Variants in NAV2 observed in about 807,000 individuals in gnomAD.
NAV2 encodes helicase, APC down-regulated 1.
NAV2 carries 54 observed loss-of-function variants against 223.2 expected under a neutral mutation model. That is an observed-to-expected ratio of 0.24 (90% CI 0.19 to 0.30). The LOEUF (loss-of-function observed/expected upper bound fraction) is 0.30. Ranked by LOEUF, NAV2 falls within the 10% of genes least tolerant of loss-of-function variation. The pLI, the probability that NAV2 is intolerant of heterozygous loss-of-function variation, is 1.00. For missense variants in NAV2, 2,806 were observed against 3,147.5 expected (o/e 0.89, Z 2.60); for synonymous variants, 1,279 against 1,239.3 (o/e 1.03, Z -0.67).
At chr11:19,432,235 A>G (rs748065560) in intron 1 of NAV2, among the ~76,000 whole-genome samples, 1 of 150,978 alleles carries the variant, frequency 6.6e-6, no homozygotes, top group Non-Finnish European at 1.5e-5. Flanking sequence ...GCTTGAATTC[A>G]CATTCTGTGA....
chr11:19,887,818 G>A (rs772548463), intron 5 of NAV2, among the ~76,000 whole-genome samples: 5 of 152,006 alleles, frequency 3.3e-5, no homozygotes, highest in African/African-American at 4.8e-5. Flanking sequence ...TAATCATCTC[G>A]CCTGGCAAAA....
upstream of NAV2, among the ~76,000 whole-genome samples, chr11:19,346,391 G>A (rs1853007958): frequency 1.3e-5 from 2 of 152,212 alleles, no homozygotes; most frequent in Non-Finnish European, 2.9e-5. Flanking sequence ...CCAGGCCTGC[G>A]GTTCCCCTGG....
rs146235017 is a variant in NAV2 at position 19,917,343 on chromosome 11, T to C, written c.932-15833T>C. Among the ~76,000 whole-genome samples the C allele has an allele frequency of 3.9e-5, 6 of 152,290 alleles. No homozygotes were observed. The East Asian group carries it at 1.2e-3, about 29-fold the overall frequency. ...TAGTAACTTTTGTGACAGTATATTG[T>C]TGAGGGAGGGGGTGTCACAGGGAGG... On this transcript the variant is annotated intron_variant, in intron 6 of 37. Coordinates refer to ENST00000349880, the MANE Select transcript of NAV2 (RefSeq NM_145117.5).
intron 11 of NAV2, among the ~76,000 whole-genome samples, chr11:19,994,441 G>A (rs916590401): frequency 3.3e-5 from 5 of 152,050 alleles, no homozygotes; most frequent in African/African-American, 1.2e-4. Context: ...CAGCTGCGCA[G>A]CAGGCTGAGA....
At chr11:19,620,694 T>A (rs923178449) in intron 1 of NAV2, among the ~76,000 whole-genome samples, 2 of 152,228 alleles carry the variant, frequency 1.3e-5, no homozygotes, top group Admixed American at 6.5e-5. Context: ...TATACAATCA[T>A]GTCATCTCCA....
chr11:19,634,493 T>A (rs867873342), intron 1 of NAV2, among the ~76,000 whole-genome samples: 3 of 152,218 alleles, frequency 2.0e-5, no homozygotes, highest in Non-Finnish European at 4.4e-5. Flanking sequence ...CCTAAAAGTT[T>A]TTTTTAATTG....
At chr11:19,456,840 C>T (rs535957012) in intron 1 of NAV2, among the ~76,000 whole-genome samples, 5 of 152,296 alleles carry the variant, frequency 3.3e-5, no homozygotes, top group Admixed American at 2.6e-4. Flanking sequence ...GGACTAGACT[C>T]TCCTGGACAG....
At chr11:19,355,555 C>T (rs1203408719) in intron 1 of NAV2, among the ~76,000 whole-genome samples, 1 of 152,134 alleles carries the variant, frequency 6.6e-6, no homozygotes, top group Non-Finnish European at 1.5e-5. Context: ...GGGTTTGCAA[C>T]TCAGAATTGT....
At chr11:19,671,836 C>T (rs1354177372) in intron 1 of NAV2, among the ~76,000 whole-genome samples, 1 of 152,212 alleles carries the variant, frequency 6.6e-6, no homozygotes, top group African/African-American at 2.4e-5. Flanking sequence ...TGTAATTTGC[C>T]ACCTCCTGGT....
chr11:19,680,570 T>C (rs893269457), intron 1 of NAV2, among the ~76,000 whole-genome samples: 4 of 152,216 alleles, frequency 2.6e-5, no homozygotes, highest in Non-Finnish European at 4.4e-5. Context: ...GCAAGGAGGC[T>C]GTGGCTATGG....
At chr11:19,888,780 T>C (rs555657334) in intron 5 of NAV2, among the ~76,000 whole-genome samples, 1 of 152,274 alleles carries the variant, frequency 6.6e-6, no homozygotes, top group South Asian at 2.1e-4. Flanking sequence ...CAGAGTGGCA[T>C]GCTCTGCCCC....
chr11:19,618,792 G>C (rs899412792), intron 1 of NAV2, among the ~76,000 whole-genome samples: 1 of 151,856 alleles, frequency 6.6e-6, no homozygotes, highest in Non-Finnish European at 1.5e-5. Context: ...GATTGGGGAG[G>C]GGGTACAGGG....
chr11:20,006,418 T>C (rs568108581), intron 11 of NAV2, among the ~76,000 whole-genome samples: 1 of 152,228 alleles, frequency 6.6e-6, no homozygotes, highest in East Asian at 1.9e-4. Context: ...GGCTCACACA[T>C]GTAATCCCAG....
At chr11:19,824,449 G>A (rs2059547395) in intron 1 of NAV2, among the ~76,000 whole-genome samples, 1 of 152,186 alleles carries the variant, frequency 6.6e-6, no homozygotes, top group Admixed American at 6.5e-5. Context: ...CAGGGACATT[G>A]GGCAGAACCG....
chr11:19,748,166 A>G (rs11025237), intron 1 of NAV2, among the ~76,000 whole-genome samples: 98,643 of 152,080 alleles, frequency 0.65, 35,061 homozygotes, highest in Middle Eastern at 0.8. Context: ...AGCAAGTCAC[A>G]GTCAATTCTC....
rs1257080565 is a variant in NAV2, at chr11:19,775,327, G to C, written c.268-57157G>C. ...GTTTCATTCTTCAGAAATGTGTGTA[G>C]AGATGTACATAGAAGGGCCTCTTGT... On this transcript the variant is annotated intron_variant, in intron 1 of 37. Coordinates refer to ENST00000349880, the MANE Select transcript of NAV2 (RefSeq NM_145117.5). Among the ~76,000 whole-genome samples, 12 of 152,200 alleles carry C rather than the reference G, an allele frequency of 7.9e-5. 1 individual carries two copies. Among genetic ancestry groups the C allele is most frequent in the Admixed American group, 7.9e-4 (12 of 15,284 alleles).
chr11:19,585,488 A>G (rs982823740), intron 1 of NAV2, among the ~76,000 whole-genome samples: 4 of 152,026 alleles, frequency 2.6e-5, no homozygotes, highest in Non-Finnish European at 5.9e-5. Context: ...GGTCTTTACA[A>G]TTTGGCGTGT....
chr11:20,103,511 C>T (rs1256825354), intron 33 of NAV2, 102 bp downstream of exon 33: 6 of 1,500,982 alleles, frequency 4.0e-6, no homozygotes, highest in Non-Finnish European at 4.6e-6. Context: ...GGGAGTGAAG[C>T]TGTGCACACG....
At chr11:19,632,994 A>G (rs570499469) in intron 1 of NAV2, among the ~76,000 whole-genome samples, 1 of 152,312 alleles carries the variant, frequency 6.6e-6, no homozygotes, top group African/African-American at 2.4e-5. Context: ...GAGCCTGAAG[A>G]TGCTGCCTCC....
Sources: gnomAD v4.1 joint callset for allele counts (sites outside exome capture counted in the v4.1 genomes callset) on GRCh38, gnomAD v4.1.1 for gene constraint, MANE v1.5 for transcripts, NCBI Gene and HGNC (gene_info 2026-07-23, HGNC 2026-07-21) for gene names.